Variants in STAG1 observed in about 807,000 individuals in gnomAD.
STAG1 encodes the protein STAG1 cohesin complex component.
A neutral mutation model predicts 170.9 loss-of-function variants in STAG1; 26 were observed. The observed-to-expected ratio is 0.15, with a 90% confidence interval of 0.11 to 0.21. The LOEUF (loss-of-function observed/expected upper bound fraction) is 0.21, where lower values mean the gene tolerates loss of function less well. STAG1 is among the 10% of genes least tolerant of loss of function. The pLI, the probability that STAG1 is intolerant of heterozygous loss-of-function variation, is 1.00. For missense variants in STAG1, 964 were observed against 1,509.5 expected (o/e 0.64, Z 5.99); for synonymous variants, 514 against 497.7 (o/e 1.03, Z -0.44).
At chr3:136,504,662 C>T (rs1020531211) in intron 7 of STAG1, among the ~76,000 whole-genome samples, 2 of 152,168 alleles carry the variant, frequency 1.3e-5, no homozygotes, top group African/African-American at 4.8e-5. Context: ...CCCAAAGGAG[C>T]TTAATTCAGT....
At chr3:136,363,547 T>C (rs1658935268) in intron 25 of STAG1, 80 bp from the exon 26 acceptor site, 2 of 461,108 alleles carry the variant, frequency 4.3e-6, no homozygotes. Context: ...GTCACCTCCT[T>C]TGAAAATGAA....
intron 2 of STAG1, among the ~76,000 whole-genome samples, chr3:136,627,759 ATAAAT>A (rs1472766957): frequency 1.3e-5 from 2 of 152,224 alleles, no homozygotes; most frequent in Non-Finnish European, 2.9e-5. Flanking sequence ...ACTACTAGAC[ATAAAT>A]TAAGAGCATG....
At chr3:136,659,058 T>C (rs371255347) in intron 1 of STAG1, among the ~76,000 whole-genome samples, 3 of 152,294 alleles carry the variant, frequency 2.0e-5, no homozygotes, top group Admixed American at 6.5e-5. Context: ...ACCACTCTTT[T>C]TGACCCTGCA....
intron 1 of STAG1, among the ~76,000 whole-genome samples, chr3:136,730,075 T>C (rs985352117): frequency 6.6e-6 from 1 of 151,050 alleles, no homozygotes; most frequent in Non-Finnish European, 1.5e-5. Flanking sequence ...AGAGACAGAG[T>C]CGCCCTCTGT....
intron 4 of STAG1, among the ~76,000 whole-genome samples, chr3:136,592,992 C>T (rs561883431): frequency 4.1e-4 from 63 of 152,172 alleles, no homozygotes; most frequent in Non-Finnish European, 2.6e-4. Context: ...GTGTTGTTAT[C>T]ATTGGCTCAG....
intron 1 of STAG1, among the ~76,000 whole-genome samples, chr3:136,731,263 C>G (rs1426444338): frequency 1.3e-5 from 2 of 151,390 alleles, no homozygotes; most frequent in Non-Finnish European, 2.9e-5. Context: ...AAAAGCAATA[C>G]AGAATGTTTA....
chr3:136,710,880 T>C, intron 1 of STAG1, among the ~76,000 whole-genome samples: 1 of 151,854 alleles, frequency 6.6e-6, no homozygotes, highest in Non-Finnish European at 1.5e-5. Context: ...AAAAGGAAAA[T>C]GACACCATCA....
chr3:136,370,408 G>A (rs1937268016), intron 23 of STAG1, among the ~76,000 whole-genome samples: 1 of 151,934 alleles, frequency 6.6e-6, no homozygotes, highest in Admixed American at 6.6e-5. Flanking sequence ...TGTGCACAAC[G>A]TGCAGGTTTG....
At chr3:136,464,081 C>CTA (rs1277471051) in intron 13 of STAG1, among the ~76,000 whole-genome samples, 4 of 151,250 alleles carry the variant, frequency 2.6e-5, no homozygotes, top group Non-Finnish European at 4.4e-5. Context: ...TAAACTGCAA[C>CTA]TATATATATA....
chr3:136,580,352 G>A (rs1937564808), intron 4 of STAG1, among the ~76,000 whole-genome samples: 1 of 151,360 alleles, frequency 6.6e-6, no homozygotes, highest in South Asian at 2.1e-4. Flanking sequence ...ATAAATACTA[G>A]GTAAATAAAA....
intron 9 of STAG1, among the ~76,000 whole-genome samples, chr3:136,493,525 T>C (rs556968150): frequency 6.6e-6 from 1 of 151,796 alleles, no homozygotes; most frequent in Non-Finnish European, 1.5e-5. Context: ...CATAGTGATG[T>C]GTGCTTGTAG....
chr3:136,469,347 AAC>A (rs935264105), intron 12 of STAG1, among the ~76,000 whole-genome samples: 12 of 152,332 alleles, frequency 7.9e-5, no homozygotes, highest in African/African-American at 2.9e-4. Context: ...GTAACAGACA[AAC>A]AGAGAGCCAA....
chr3:136,425,089 C>T (rs1186107981), intron 16 of STAG1, among the ~76,000 whole-genome samples: 1 of 151,870 alleles, frequency 6.6e-6, no homozygotes, highest in East Asian at 1.9e-4. Flanking sequence ...CTGCCCGCCC[C>T]GGCCTCCCAA....
At chr3:136,442,936 T>C (rs1037259277) in intron 15 of STAG1, among the ~76,000 whole-genome samples, 4 of 152,056 alleles carry the variant, frequency 2.6e-5, no homozygotes, top group African/African-American at 7.2e-5. Context: ...TTGAGCCCAG[T>C]AGTTCAAGGC....
intron 2 of STAG1, among the ~76,000 whole-genome samples, chr3:136,625,602 T>C (rs1272384692): frequency 6.6e-6 from 1 of 152,200 alleles, no homozygotes; most frequent in Non-Finnish European, 1.5e-5. Context: ...ATCCTGTCTA[T>C]AAACTCGAAT....
At chr3:136,354,856 T>C (rs1208975956) in intron 28 of STAG1, among the ~76,000 whole-genome samples, 1 of 146,618 alleles carries the variant, frequency 6.8e-6, no homozygotes, top group African/African-American at 2.5e-5. Context: ...TAAAAACACA[T>C]GATCCAATTT....
intron 14 of STAG1, among the ~76,000 whole-genome samples, chr3:136,447,069 G>A (rs1461714955): frequency 6.6e-6 from 1 of 152,010 alleles, no homozygotes; most frequent in African/African-American, 2.4e-5. Flanking sequence ...CTCCCAAAGT[G>A]TTGGGATTAC....
intron 26 of STAG1, 101 bp from the exon 27 acceptor site, chr3:136,359,397 A>AAT (rs113411040): frequency 6.0e-4 from 480 of 794,822 alleles, no homozygotes; most frequent in African/African-American, 2.7e-3. Flanking sequence ...TATAAGGTGA[A>AAT]ATGTTTCTCT....
At chr3:136,618,094 C>A (rs1449173596) in intron 3 of STAG1, among the ~76,000 whole-genome samples, 1 of 152,162 alleles carries the variant, frequency 6.6e-6, no homozygotes, top group African/African-American at 2.4e-5. Context: ...TTGCCTTCTA[C>A]TTTTAAACTT....
Sources: gnomAD v4.1 joint callset for allele counts (sites outside exome capture counted in the v4.1 genomes callset) on GRCh38, gnomAD v4.1.1 for gene constraint, MANE v1.5 for transcripts, NCBI Gene and HGNC (gene_info 2026-07-23, HGNC 2026-07-21) for gene names.